UMAD1: variants seen among roughly 807,000 people sequenced by gnomAD.
UMAD1 encodes the protein UBAP1-MVB12-associated (UMA) domain containing 1, also known as UBAP1-MVB12-associated (UMA)-domain containing protein 1.
Under a neutral mutation model 6.1 loss-of-function variants are expected in UMAD1, and 8 were observed. The observed-to-expected ratio is 1.30, with a 90% CI of 0.76 to 2.35. UMAD1 has a LOEUF of 2.35. Ranked by LOEUF, UMAD1 falls within the 30% of genes most tolerant of loss-of-function variation. The probability of loss-of-function intolerance (pLI) is 0.00; values close to 1 mark genes in which losing one functional copy is unlikely to be tolerated. For missense variants in UMAD1, 130 were observed against 78.4 expected (o/e 1.66, Z -2.49); for synonymous variants, 56 against 31.4 (o/e 1.78, Z -2.61).
chr7:7,717,057 T>TTTA, intron 2 of UMAD1, among the ~76,000 whole-genome samples: 1 of 144,994 alleles, frequency 6.9e-6, no homozygotes, highest in African/African-American at 2.8e-5. Flanking sequence ...TCTTTCTTTT[T>TTTA]TTCTTTTTTT....
chr7:7,743,813 T>C (rs942721522), intron 2 of UMAD1, among the ~76,000 whole-genome samples: 4 of 151,938 alleles, frequency 2.6e-5, no homozygotes, highest in African/African-American at 9.7e-5. Context: ...AAGTGTACAA[T>C]TTAGTAGCGT....
intron 2 of UMAD1, among the ~76,000 whole-genome samples, chr7:7,748,971 C>G (rs1038950679): frequency 1.3e-5 from 2 of 152,102 alleles, no homozygotes; most frequent in African/African-American, 4.8e-5. Flanking sequence ...TATCCTATTA[C>G]ACATGATTTT....
intron 2 of UMAD1, among the ~76,000 whole-genome samples, chr7:7,744,346 G>A (rs73352775): frequency 0.016 from 2,397 of 152,096 alleles, 79 homozygotes; most frequent in African/African-American, 0.055. Flanking sequence ...TGTTGTTTTT[G>A]CTTTTTGGAT....
chr7:7,822,745 G>A (rs1001707965), intron 3 of UMAD1, among the ~76,000 whole-genome samples: 40 of 152,148 alleles, frequency 2.6e-4, no homozygotes, highest in African/African-American at 9.2e-4. Flanking sequence ...ACCTTGCTTG[G>A]ATTCCAGAGA....
At chr7:7,734,971 T>C (rs1715943190) in intron 2 of UMAD1, among the ~76,000 whole-genome samples, 1 of 152,174 alleles carries the variant, frequency 6.6e-6, no homozygotes, top group Admixed American at 6.5e-5. Flanking sequence ...TAAAATTGTA[T>C]TTTATAGTCC....
intron 2 of UMAD1, among the ~76,000 whole-genome samples, chr7:7,700,526 A>T (rs1446089041): frequency 6.6e-6 from 1 of 152,088 alleles, no homozygotes. Flanking sequence ...TAAGTTCTAG[A>T]CCATACTGGG....
Position 7,673,773 on chromosome 7 carries a change from G to C in UMAD1, c.82+320G>C, listed in dbSNP as rs532531514. ...AGAATCCTTGATGAATTCAAGTTCT[G>C]TCTTATAAATAGTACTAACCTTGTT... On this transcript the variant is annotated intron_variant, in intron 2 of 3. Transcript: ENST00000682710. Among the ~76,000 whole-genome samples the C allele has an allele frequency of 2.7e-3, 401 of 150,842 alleles. 3 individuals are homozygous for C. The highest frequency in any genetic ancestry group is 9.4e-3 in the African/African-American group (384 of 40,992).
chr7:7,729,420 T>C lies in UMAD1; in HGVS notation c.82+55967T>C, dbSNP rs118177199. On this transcript the variant is annotated intron_variant, in intron 2 of 3. Transcript: ENST00000682710. ...TCGTTTTCATCCTTTGAGAGGACTT[T>C]GTTCTCTCAGACAGATGCTCTCCAT... is the stretch of plus-strand genomic sequence containing the variant. 3.9e-5 allele frequency among the ~76,000 whole-genome samples: 6 copies of C among 152,338 alleles called. No individual in the cohort carries two copies. In the East Asian group the frequency reaches 1.2e-3, roughly 29 times the overall value.
At chr7:7,876,704 A>T (rs567951771) in intron 3 of UMAD1, among the ~76,000 whole-genome samples, 12 of 152,348 alleles carry the variant, frequency 7.9e-5, no homozygotes, top group Admixed American at 5.9e-4. Context: ...GAGTACATAT[A>T]TATTACTGTC....
chr7:7,819,770 G>C (rs539273227), intron 3 of UMAD1, among the ~76,000 whole-genome samples: 3 of 152,242 alleles, frequency 2.0e-5, no homozygotes, highest in Admixed American at 6.5e-5. Context: ...TGTTCAGTTT[G>C]GTTAATAAAT....
intron 1 of UMAD1, among the ~76,000 whole-genome samples, chr7:7,655,978 G>A (rs1193012769): frequency 6.6e-6 from 1 of 152,152 alleles, no homozygotes; most frequent in Non-Finnish European, 1.5e-5. Flanking sequence ...TGGGATTACA[G>A]GCATGCGCCA....
Position 7,801,707 on chromosome 7 carries a change from C to G in UMAD1, c.120C>G (p.Gly40=), listed in dbSNP as rs11555073. 0.073 allele frequency: 52,557 copies of G among 717,174 alleles called. 2,272 individuals are homozygous for G. The highest frequency in any genetic ancestry group is 0.087 in the Non-Finnish European group (33,654 of 384,800). The allele number at this position is 717,174 out of a possible 1,614,324, so 44.4% of individuals were successfully genotyped here. A position where few individuals can be genotyped will look rare whatever the true frequency, so the allele number is the denominator to read the frequency against. The change falls in exon 3 of 4, where the codon GGC becomes GGG. Residue 40 remains glycine (G), a synonymous_variant. Coordinates refer to ENST00000682710, the MANE Select transcript of UMAD1 (RefSeq NM_001302348.2). ...ATGAGCAAAGAATGACAGCAAGAGG[C>G]AAAACTTCGGACATAGAGGCCAACC... ...TTDEQRMTAR[G]KTSDIEANQP...
intron 2 of UMAD1, among the ~76,000 whole-genome samples, chr7:7,742,871 T>G (rs1000066519): frequency 6.6e-6 from 1 of 152,220 alleles, no homozygotes; most frequent in Non-Finnish European, 1.5e-5. Flanking sequence ...TGCTTTAAAC[T>G]AACCCCATCA....
chr7:7,702,640 C>T (rs917743342), intron 2 of UMAD1, among the ~76,000 whole-genome samples: 3 of 152,118 alleles, frequency 2.0e-5, no homozygotes, highest in African/African-American at 7.2e-5. Flanking sequence ...GCAAAAGTTT[C>T]TTAATGTCTT....
At chr7:7,692,193 G>A (rs1780188178) in intron 2 of UMAD1, among the ~76,000 whole-genome samples, 1 of 152,196 alleles carries the variant, frequency 6.6e-6, no homozygotes, top group Non-Finnish European at 1.5e-5. Flanking sequence ...CTAGTCAGCA[G>A]GTAGAGAAGG....
At chr7:7,714,700 C>G (rs1780849187) in intron 2 of UMAD1, among the ~76,000 whole-genome samples, 1 of 152,082 alleles carries the variant, frequency 6.6e-6, no homozygotes, top group Admixed American at 6.5e-5. Context: ...GTGTCCCTAA[C>G]TGCAAATAAA....
intron 2 of UMAD1, among the ~76,000 whole-genome samples, chr7:7,695,104 G>C (rs1174299626): frequency 6.6e-6 from 1 of 152,118 alleles, no homozygotes; most frequent in African/African-American, 2.4e-5. Flanking sequence ...ATGATATCTT[G>C]TTGTAATTAT....
intron 2 of UMAD1, among the ~76,000 whole-genome samples, chr7:7,726,996 C>G (rs927395425): frequency 3.9e-5 from 6 of 152,130 alleles, no homozygotes; most frequent in Non-Finnish European, 5.9e-5. Flanking sequence ...CTACAACAGC[C>G]CACTCCAGGC....
At chr7:7,854,688 C>T (rs73057779) in intron 3 of UMAD1, among the ~76,000 whole-genome samples, 12,432 of 152,174 alleles carry the variant, frequency 0.082, 706 homozygotes, top group Middle Eastern at 0.16. Context: ...TACCATCCCA[C>T]CCCTGGCCGC....
Sources: allele counts gnomAD v4.1 joint callset (sites outside exome capture counted in the v4.1 genomes callset), GRCh38; gene constraint gnomAD v4.1.1; transcripts MANE v1.5; gene names NCBI Gene and HGNC (gene_info 2026-07-23, HGNC 2026-07-21).